The following HEMK2 variants were observed in gnomAD, a reference collection of about 807,000 sequenced individuals.
HEMK2 encodes the protein HemK methyltransferase 2, ETF1 glutamine and histone H4 lysine, also known as methyltransferase HEMK2.
chr21:28,865,031 C>T, the HEMK2 span, among the ~76,000 whole-genome samples: 3 of 151,788 alleles, frequency 2.0e-5, no homozygotes, highest in Non-Finnish European at 4.4e-5. Context: ...TTCCCACAGC[C>T]TTAACCTCAG....
chr21:28,737,525 A>C, the HEMK2 span, among the ~76,000 whole-genome samples: 24 of 151,972 alleles, frequency 1.6e-4, no homozygotes, highest in South Asian at 6.2e-4. Flanking sequence ...TTTTCTTTAG[A>C]AGTGTTGAAA....
At chr21:28,738,654 C>T in the HEMK2 span, among the ~76,000 whole-genome samples, 6 of 152,310 alleles carry the variant, frequency 3.9e-5, no homozygotes, top group East Asian at 1.2e-3. Flanking sequence ...TCCCTGGGGG[C>T]TCTTTATGCA....
chr21:28,732,569 T>C, the HEMK2 span, among the ~76,000 whole-genome samples: 27 of 152,168 alleles, frequency 1.8e-4, no homozygotes, highest in Non-Finnish European at 3.7e-4. Context: ...TTCACTAAGA[T>C]ACTCTTCCCT....
At chr21:28,753,922 T>C in the HEMK2 span, among the ~76,000 whole-genome samples, 1 of 152,224 alleles carries the variant, frequency 6.6e-6, no homozygotes. Context: ...AAATATACTC[T>C]GGCTTTTTCA....
the HEMK2 span, among the ~76,000 whole-genome samples, chr21:28,647,827 T>G: frequency 6.6e-6 from 1 of 152,194 alleles, no homozygotes; most frequent in South Asian, 2.1e-4. Flanking sequence ...TGGGATGCAC[T>G]GAGTAGTGCT....
the HEMK2 span, among the ~76,000 whole-genome samples, chr21:28,684,234 G>T: frequency 6.6e-6 from 1 of 152,142 alleles, no homozygotes; most frequent in South Asian, 2.1e-4. Context: ...AACTTCTCTG[G>T]CTTCTTCAGC....
chr21:28,850,217 C>CTTTTT, the HEMK2 span, among the ~76,000 whole-genome samples: 85 of 94,434 alleles, frequency 9.0e-4, no homozygotes, highest in East Asian at 3.4e-3. Context: ...ATTCAGCATT[C>CTTTTT]TTTTTTTTTT....
At chr21:28,645,956 C>A in the HEMK2 span, among the ~76,000 whole-genome samples, 1 of 152,160 alleles carries the variant, frequency 6.6e-6, no homozygotes, top group African/African-American at 2.4e-5. Context: ...CCACTATATA[C>A]CTATAAATTC....
chr21:28,586,184 TA>T, the HEMK2 span, among the ~76,000 whole-genome samples: 1 of 152,144 alleles, frequency 6.6e-6, no homozygotes, highest in African/African-American at 2.4e-5. Context: ...AAAATTAACT[TA>T]AAAAAACTTA....
the HEMK2 span, among the ~76,000 whole-genome samples, chr21:28,668,010 G>T: frequency 2.6e-5 from 4 of 152,178 alleles, no homozygotes; most frequent in Non-Finnish European, 5.9e-5. Flanking sequence ...GGGAAACACA[G>T]AAGTCCTTTG....
chr21:28,607,599 T>A, the HEMK2 span, among the ~76,000 whole-genome samples: 2 of 152,190 alleles, frequency 1.3e-5, no homozygotes, highest in Admixed American at 1.3e-4. Flanking sequence ...ACAGGTTTAA[T>A]CTTACTTTTT....
At chr21:28,719,028 T>C in the HEMK2 span, among the ~76,000 whole-genome samples, 2 of 152,124 alleles carry the variant, frequency 1.3e-5, no homozygotes, top group South Asian at 2.1e-4. Flanking sequence ...AAGGCAACAA[T>C]GGGCGCCACA....
chr21:28,847,239 A>G, the HEMK2 span, among the ~76,000 whole-genome samples: 1 of 152,220 alleles, frequency 6.6e-6, no homozygotes, highest in Non-Finnish European at 1.5e-5. Flanking sequence ...TATTCCCACC[A>G]GCAATGTATA....
chr21:28,871,036 T>A, the HEMK2 span, among the ~76,000 whole-genome samples: 1 of 152,218 alleles, frequency 6.6e-6, no homozygotes, highest in African/African-American at 2.4e-5. Flanking sequence ...TAGTACTAAT[T>A]GAGACAGACA....
the HEMK2 span, among the ~76,000 whole-genome samples, chr21:28,735,210 T>C: frequency 1.8e-4 from 27 of 152,330 alleles, no homozygotes; most frequent in African/African-American, 6.5e-4. Context: ...ACAACACTCA[T>C]TTACTAGCTC....
At chr21:28,853,337 A>C in the HEMK2 span, among the ~76,000 whole-genome samples, 2 of 152,320 alleles carry the variant, frequency 1.3e-5, no homozygotes, top group South Asian at 2.1e-4. Context: ...TAACTCCCCA[A>C]GCTACAACAT....
chr21:28,791,945 A>G, the HEMK2 span, among the ~76,000 whole-genome samples: 3 of 152,148 alleles, frequency 2.0e-5, no homozygotes, highest in Admixed American at 6.5e-5. Flanking sequence ...CAGAGAAGAA[A>G]AAAAAAGAAA....
the HEMK2 span, among the ~76,000 whole-genome samples, chr21:28,729,168 A>C: frequency 6.6e-6 from 1 of 152,218 alleles, no homozygotes; most frequent in Non-Finnish European, 1.5e-5. Context: ...CCCCAAAATA[A>C]CATGGGCAGG....
the HEMK2 span, among the ~76,000 whole-genome samples, chr21:28,842,693 A>C: frequency 6.6e-6 from 1 of 152,162 alleles, no homozygotes; most frequent in African/African-American, 2.4e-5. Flanking sequence ...TGGCTAGTCT[A>C]AGCTAGTGCT....
Sources: allele counts gnomAD v4.1 joint callset (sites outside exome capture counted in the v4.1 genomes callset), GRCh38; gene constraint gnomAD v4.1.1; transcripts MANE v1.5; gene names NCBI Gene and HGNC (gene_info 2026-07-23, HGNC 2026-07-21).